Variants in SNRPA1 observed in about 807,000 individuals in gnomAD.
The protein encoded by SNRPA1 is U2 small nuclear ribonucleoprotein A'.
In SNRPA1, 5 loss-of-function variants were observed where a neutral mutation model predicts 32.3. The observed-to-expected ratio is 0.15, with a 90% CI of 0.08 to 0.33. The LOEUF (loss-of-function observed/expected upper bound fraction) is 0.33. Among genes scored for constraint, SNRPA1 ranks in the 10% least tolerant of loss-of-function variants. SNRPA1 has a pLI of 1.00. For missense variants in SNRPA1, 198 were observed against 311.1 expected (o/e 0.64, Z 2.74); for synonymous variants, 111 against 120.1 (o/e 0.92, Z 0.50).
intron 2 of SNRPA1, 125 bp from the exon 3 acceptor site, chr15:101,292,165 G>C (rs2039533195): frequency 3.0e-6 from 2 of 677,468 alleles, no homozygotes; most frequent in African/African-American, 1.8e-5. Flanking sequence ...CTGATAAAGA[G>C]GAAACAAAGC....
chr15:101,295,064 C>T, intron 1 of SNRPA1, 33 bp downstream of exon 1: 1 of 1,387,706 alleles, frequency 7.2e-7, no homozygotes, highest in Non-Finnish European at 9.6e-7. Context: ...TCGGTGCCGC[C>T]TGGGGACTGG....
intron 3 of SNRPA1, 135 bp downstream of exon 3, chr15:101,291,827 C>T (rs1275602853): frequency 5.1e-6 from 3 of 587,698 alleles, no homozygotes; most frequent in Non-Finnish European, 9.1e-6. Flanking sequence ...ACCCAAAAGG[C>T]CCAGATCCTG....
chr15:101,291,519 CTTT>C (rs61273059), intron 3 of SNRPA1, among the ~76,000 whole-genome samples: 52 of 145,826 alleles, frequency 3.6e-4, no homozygotes, highest in Admixed American at 4.8e-4. Context: ...AGATAGTTTA[CTTT>C]TTTTTTTTTT....
chr15:101,294,063 G>A (rs747481869), intron 1 of SNRPA1, among the ~76,000 whole-genome samples: 41 of 152,190 alleles, frequency 2.7e-4, no homozygotes, highest in Non-Finnish European at 4.9e-4. Flanking sequence ...GAGAAACCAT[G>A]TCTTTACTAA....
At chr15:101,291,818 C>T (rs2039529503) in intron 3 of SNRPA1, 144 bp downstream of exon 3, 2 of 558,188 alleles carry the variant, frequency 3.6e-6, no homozygotes, top group Non-Finnish European at 6.4e-6. Context: ...GGCTGCAGAA[C>T]CCAAAAGGCC....
intron 1 of SNRPA1, among the ~76,000 whole-genome samples, chr15:101,294,550 C>A (rs940428277): frequency 3.3e-5 from 5 of 152,144 alleles, no homozygotes; most frequent in African/African-American, 1.2e-4. Context: ...CTGGGTGACA[C>A]AGTTCAATTT....
intron 5 of SNRPA1, chr15:101,286,507 T>A (rs2039456171): frequency 2.0e-6 from 1 of 508,518 alleles, no homozygotes; most frequent in East Asian, 3.1e-5. Context: ...AAGGAGGGGA[T>A]CCCAGGGAAC....
intron 5 of SNRPA1, 101 bp from the exon 6 acceptor site, chr15:101,286,394 C>T (rs1013540629): frequency 1.5e-5 from 15 of 1,002,830 alleles, no homozygotes; most frequent in South Asian, 9.8e-5. Flanking sequence ...TACAGTACTC[C>T]GGGCTGGTGA....
At chr15:101,294,763 C>A in intron 1 of SNRPA1, 1 of 310,834 alleles carries the variant, frequency 3.2e-6, no homozygotes, top group Non-Finnish European at 5.9e-6. Flanking sequence ...GCGTTACAAC[C>A]ATTAATGAGC....
chr15:101,290,559 A>G (rs758296996), intron 3 of SNRPA1, among the ~76,000 whole-genome samples: 1 of 150,944 alleles, frequency 6.6e-6, no homozygotes. Context: ...TTAAGTCACA[A>G]AATTAAGTTA....
chr15:101,291,327 C>T (rs1034193591), intron 3 of SNRPA1, among the ~76,000 whole-genome samples: 5 of 152,148 alleles, frequency 3.3e-5, no homozygotes, highest in Admixed American at 6.5e-5. Context: ...GTTCATCTAA[C>T]GTGAAGAGTA....
At position 101,287,254 on chromosome 15, in the gene SNRPA1, A is replaced by G. The variant is rs375639427; in HGVS notation, c.357-244T>C. 4.9e-4 allele frequency among the ~76,000 whole-genome samples: 75 copies of G among 152,304 alleles called. No individual in the cohort carries two copies. The East Asian group carries it at 0.014, about 28-fold the overall frequency. Reference sequence around the variant, plus strand: ...CAACTTGCAGGTTTGTTACATATGTATACATGTGCCATGTTGGTGGGCTGC... The same window carrying G: ...CAACTTGCAGGTTTGTTACATATGTGTACATGTGCCATGTTGGTGGGCTGC... On this transcript the variant is annotated intron_variant, in intron 4 of 8. Transcript: ENST00000254193.
chr15:101,282,243 A>T (rs532620435), intron 8 of SNRPA1, among the ~76,000 whole-genome samples: 1 of 152,392 alleles, frequency 6.6e-6, no homozygotes, highest in Non-Finnish European at 1.5e-5. Context: ...TCAACAATTT[A>T]TGGCAGGTAT....
intron 8 of SNRPA1, 143 bp downstream of exon 8, chr15:101,284,824 G>T: frequency 1.5e-6 from 1 of 682,306 alleles, no homozygotes; most frequent in East Asian, 2.8e-5. Context: ...TATCTTCAAA[G>T]AGCATTTAAA....
At position 101,292,005 on chromosome 15, in the gene SNRPA1, C is replaced by A; in HGVS notation, c.266G>T (p.Cys89Phe). The change falls in exon 3 of 9, where the codon TGT (cysteine) becomes TTT (phenylalanine). Residue 89 changes from cysteine (C) to phenylalanine (F), a missense_variant. Transcript: ENST00000254193. ...ATTGGTGAGAATGAGTTCTGTCAGACAGGGCAGAGCCTGATCAAGTCCCTC... is the reference window on the plus strand; with the variant it reads ...ATTGGTGAGAATGAGTTCTGTCAGAAAGGGCAGAGCCTGATCAAGTCCCTC... Reference protein sequence around the residue: ...IGEGLDQALPCLTELILTNNS... With the variant: ...IGEGLDQALPFLTELILTNNS... 6.2e-7 allele frequency: 1 copy of A among 1,613,122 alleles called. No homozygotes were observed. Among genetic ancestry groups the A allele is most frequent in the Non-Finnish European group, 8.5e-7 (1 of 1,179,184 alleles).
chr15:101,294,059 C>A (rs2039558746), intron 1 of SNRPA1, among the ~76,000 whole-genome samples: 1 of 152,174 alleles, frequency 6.6e-6, no homozygotes, highest in Admixed American at 6.5e-5. Context: ...CATGGAGAAA[C>A]CATGTCTTTA....
Position 101,295,107 on chromosome 15 carries a change from C to T in SNRPA1, c.72G>A (p.Leu24=). Residue 24 remains leucine, a synonymous_variant, in exon 1 of 9, where the codon CTG becomes CTA. Coordinates refer to ENST00000254193, the MANE Select transcript of SNRPA1 (RefSeq NM_003090.4). ...CGCCCCCGGACTCACCCCGGAGGTC[C>T]AGCTCCCGGTCGCGCACCGCGTTGG... ...QYTNAVRDRE[L]DLRGYKIPVI... is the part of the protein sequence containing the mutation. 1 of 1,533,246 alleles carries T rather than the reference C, an allele frequency of 6.5e-7. No individual in the cohort carries two copies. Among genetic ancestry groups the T allele is most frequent in the South Asian group, 1.2e-5 (1 of 82,356 alleles). 95.0% of individuals were successfully genotyped at this position (1,533,246 alleles called of 1,614,324 possible).
chr15:101,295,171 T>C lies in SNRPA1; in HGVS notation c.8A>G (p.Lys3Arg). The change falls in exon 1 of 9, where the codon AAG (lysine) becomes AGG (arginine). Residue 3 changes from lysine (K) to arginine (R), a missense_variant. Physicochemically the swap from Lys to Arg is conservative, Grantham distance 26 (BLOSUM62 2). Transcript: ENST00000254193. ...CTGCTCGATCAGCTCCGCCGTCAGCTTGACCATCCTGCAGCCTCCCGTTCC... is the reference window on the plus strand; with the variant it reads ...CTGCTCGATCAGCTCCGCCGTCAGCCTGACCATCCTGCAGCCTCCCGTTCC... MV[K>R]LTAELIEQAA... 2.6e-6 allele frequency: 4 copies of C among 1,553,680 alleles called. No individual in the cohort carries two copies. Among genetic ancestry groups the C allele is most frequent in the Non-Finnish European group, 3.5e-6 (4 of 1,154,268 alleles).
At chr15:101,282,678 G>A (rs570734464) in intron 8 of SNRPA1, among the ~76,000 whole-genome samples, 2 of 152,198 alleles carry the variant, frequency 1.3e-5, no homozygotes, top group South Asian at 2.1e-4. Flanking sequence ...GTGGTTCACC[G>A]ACTTTTGCAG....
Sources: gnomAD v4.1 joint callset for allele counts (sites outside exome capture counted in the v4.1 genomes callset) on GRCh38, gnomAD v4.1.1 for gene constraint, MANE v1.5 for transcripts, NCBI Gene and HGNC (gene_info 2026-07-23, HGNC 2026-07-21) for gene names.